BOLL: variants seen among roughly 807,000 people sequenced by gnomAD.
BOLL encodes protein boule-like.
Under a neutral mutation model 44.4 loss-of-function variants are expected in BOLL, and 23 were observed. The ratio of observed to expected loss-of-function variants is 0.52; its 90% CI spans 0.37 to 0.73. BOLL has a LOEUF of 0.73. Ranked by LOEUF, BOLL falls within the 30% of genes least tolerant of loss-of-function variation. BOLL has a pLI of 0.00. For missense variants in BOLL, 287 were observed against 338.3 expected (o/e 0.85, Z 1.19); for synonymous variants, 97 against 110.8 (o/e 0.88, Z 0.78).
At chr2:197,781,036 C>A (rs190369243) in intron 2 of BOLL, among the ~76,000 whole-genome samples, 128 of 152,080 alleles carry the variant, frequency 8.4e-4, no homozygotes, top group African/African-American at 2.9e-3. Flanking sequence ...TTTTAAAAAA[C>A]TTTTATTTTA....
At chr2:197,754,008 C>T (rs1688386208) in intron 9 of BOLL, among the ~76,000 whole-genome samples, 2 of 152,092 alleles carry the variant, frequency 1.3e-5, no homozygotes, top group South Asian at 4.1e-4. Context: ...AAGCTGGAAA[C>T]CAGCATTCTC....
rs749433149 is a variant in BOLL, at chr2:197,771,807, A to G, written c.480+48T>C. The G allele has an allele frequency of 2.0e-6, 3 of 1,470,540 alleles. No homozygotes were observed. The East Asian group carries it at 7.4e-5, about 36-fold the overall frequency. The allele number at this position is 1,470,540 out of a possible 1,614,324, so 91.1% of individuals were successfully genotyped here. A position where few individuals can be genotyped will look rare whatever the true frequency, so the allele number is the denominator to read the frequency against. ...TTTCAGAAATATAACAAACATTAAA[A>G]AATTGATAGTAATAGATGGAAATCC... On this transcript the variant is annotated intron_variant, in intron 6 of 10. Transcript: ENST00000392296.
intron 7 of BOLL, among the ~76,000 whole-genome samples, chr2:197,764,647 T>G (rs1240182250): frequency 1.3e-5 from 2 of 152,204 alleles, no homozygotes; most frequent in Non-Finnish European, 2.9e-5. Flanking sequence ...CTACACTGGT[T>G]GCTGAATTTA....
chr2:197,734,510 G>A (rs1027024180), intron 10 of BOLL, among the ~76,000 whole-genome samples: 36 of 151,892 alleles, frequency 2.4e-4, no homozygotes, highest in African/African-American at 7.2e-4. Flanking sequence ...AGACGCACAC[G>A]TATGTTTATC....
At chr2:197,730,038 C>G (rs1310259789) in intron 10 of BOLL, among the ~76,000 whole-genome samples, 1 of 144,994 alleles carries the variant, frequency 6.9e-6, no homozygotes, top group Non-Finnish European at 1.5e-5. Context: ...ACATTCAAAC[C>G]AAAGGCAAAG....
chr2:197,785,231 C>T lies in BOLL; in HGVS notation c.-191G>A, dbSNP rs547846540. Reference sequence around the variant, plus strand: ...GTGCGGGAGGGAAAAGAAGGCTAGCCAGCGAGAAATTTTGCCCCACAAATC... The same window carrying T: ...GTGCGGGAGGGAAAAGAAGGCTAGCTAGCGAGAAATTTTGCCCCACAAATC... On this transcript the variant is annotated 5_prime_UTR_variant, in exon 1 of 11. Transcript: ENST00000392296. This position sits in a 1 kb window ranked among gnomAD's most constrained non-coding sequence, Gnocchi z 6.7. 9 of 985,930 alleles carry T rather than the reference C, an allele frequency of 9.1e-6. No homozygotes were observed. The Admixed American group carries it at 3.1e-4, about 34-fold the overall frequency. The allele number at this position is 985,930 out of a possible 1,614,324, so 61.1% of individuals were successfully genotyped here.
At chr2:197,785,972 G>A (rs765741983), upstream of BOLL, 8 of 1,600,552 alleles carry the variant, frequency 5.0e-6, no homozygotes, top group African/African-American at 6.7e-5. The surrounding 1 kb of genome is among the most constrained non-coding windows in gnomAD (Gnocchi z 6.7). Context: ...GGCCCTGATC[G>A]CCGTACTCAC....
At chr2:197,769,189 GA>G (rs1302215153) in intron 6 of BOLL, among the ~76,000 whole-genome samples, 2 of 152,064 alleles carry the variant, frequency 1.3e-5, no homozygotes, top group African/African-American at 4.8e-5. Flanking sequence ...ATGAGTTAGG[GA>G]GGATTCTCTC....
intron 9 of BOLL, among the ~76,000 whole-genome samples, chr2:197,743,560 A>G (rs1214578254): frequency 6.6e-6 from 1 of 152,182 alleles, no homozygotes; most frequent in East Asian, 1.9e-4. Flanking sequence ...GGTTTGTGAT[A>G]TACAAAATTT....
chr2:197,765,592 G>A lies in BOLL; in HGVS notation c.552+940C>T, dbSNP rs187608925. The stretch of plus-strand genomic sequence containing the variant: ...ACATCACTACATACCCCATGAATAG[G>A]TATAATTATCATTTGTCAATGAAAA... On this transcript the variant is annotated intron_variant, in intron 7 of 10. Coordinates refer to ENST00000392296, the MANE Select transcript of BOLL (RefSeq NM_033030.6). Among the ~76,000 whole-genome samples the A allele has an allele frequency of 4.1e-3, 610 of 149,716 alleles. 3 individuals are homozygous for A. Among genetic ancestry groups the A allele is most frequent in the African/African-American group, 0.014 (587 of 40,710 alleles).
Position 197,777,125 on chromosome 2 carries a change from CATTA to C in BOLL, c.222-16_222-13del, listed in dbSNP as rs546502449. ...TGACGAAACCATACCTAAATAAATGCATTAATTATTACTAATTAATCATTTTCTT... is the reference window on the plus strand; with the variant it reads ...TGACGAAACCATACCTAAATAAATGCATTATTACTAATTAATCATTTTCTT... On this transcript the variant is annotated splice_polypyrimidine_tract_variant and intron_variant, in intron 3 of 10. Transcript: ENST00000392296. The C allele has an allele frequency of 2.4e-3, 3,468 of 1,468,654 alleles. 12 individuals are homozygous for C. Among genetic ancestry groups the C allele is most frequent in the South Asian group, 2.8e-3 (213 of 76,472 alleles). 91.0% of individuals were successfully genotyped at this position (1,468,654 alleles called of 1,614,324 possible).
At chr2:197,776,736 C>A (rs1689532820) in intron 4 of BOLL, among the ~76,000 whole-genome samples, 1 of 151,834 alleles carries the variant, frequency 6.6e-6, no homozygotes, top group South Asian at 2.1e-4. Context: ...GGAGGGAAAT[C>A]ATCTCAGATA....
At chr2:197,756,630 G>A in intron 8 of BOLL, 74 bp from the exon 9 acceptor site, 1 of 1,359,880 alleles carries the variant, frequency 7.4e-7, no homozygotes, top group Non-Finnish European at 9.8e-7. Context: ...TTAGCCAACA[G>A]ATGAGAGAAG....
At chr2:197,785,415 G>C (rs1018705332), upstream of BOLL, 1 of 981,504 alleles carries the variant, frequency 1.0e-6, no homozygotes, top group Non-Finnish European at 1.2e-6. The surrounding 1 kb of genome is among the most constrained non-coding windows in gnomAD (Gnocchi z 6.7). Flanking sequence ...GGGCCTGTGC[G>C]GGCAGTCCTC....
chr2:197,729,724 G>C (rs1202368051), intron 10 of BOLL, among the ~76,000 whole-genome samples: 1 of 152,134 alleles, frequency 6.6e-6, no homozygotes, highest in Non-Finnish European at 1.5e-5. Flanking sequence ...ACAGGGCAGG[G>C]TATTCCAACA....
intron 7 of BOLL, 149 bp from the exon 8 acceptor site, chr2:197,757,549 C>T (rs1163275088): frequency 1.2e-5 from 7 of 590,992 alleles, no homozygotes; most frequent in African/African-American, 9.7e-5. Flanking sequence ...TCAAAATGGA[C>T]CAGAGACTTA....
chr2:197,769,563 C>T (rs1386797819), intron 6 of BOLL, among the ~76,000 whole-genome samples: 2 of 152,112 alleles, frequency 1.3e-5, no homozygotes, highest in Non-Finnish European at 2.9e-5. Flanking sequence ...GTCAAATTGT[C>T]CCTCTTTGCA....
At chr2:197,763,479 TA>T (rs34230740) in intron 7 of BOLL, among the ~76,000 whole-genome samples, 69 of 127,582 alleles carry the variant, frequency 5.4e-4, no homozygotes, top group Admixed American at 1.1e-3. Flanking sequence ...GAGTCCGTCT[TA>T]AAAAAAAAAA....
chr2:197,737,545 T>C (rs182289004), intron 10 of BOLL, among the ~76,000 whole-genome samples: 3 of 152,244 alleles, frequency 2.0e-5, no homozygotes, highest in African/African-American at 7.2e-5. Flanking sequence ...CCTCCTTATA[T>C]ATTCAGAGCT....
Sources: gnomAD v4.1 joint callset for allele counts (sites outside exome capture counted in the v4.1 genomes callset) on GRCh38, gnomAD v4.1.1 for gene constraint, Gnocchi (gnomAD v3.1) non-coding constraint, MANE v1.5 for transcripts, NCBI Gene and HGNC (gene_info 2026-07-23, HGNC 2026-07-21) for gene names.